GRID2: variants seen among roughly 807,000 people sequenced by gnomAD.
The protein encoded by GRID2 is glutamate receptor ionotropic, delta-2.
A neutral mutation model predicts 114.8 loss-of-function variants in GRID2; 33 were observed. The ratio of observed to expected loss-of-function variants is 0.29; its 90% CI spans 0.22 to 0.38. GRID2 has a LOEUF of 0.38. Among genes scored for constraint, GRID2 ranks in the 10% least tolerant of loss-of-function variants. The pLI, the probability that GRID2 is intolerant of heterozygous loss-of-function variation, is 1.00. For synonymous variants in GRID2, 505 were observed against 449.9 expected (o/e 1.12, Z -1.55); for missense variants, 1,184 against 1,257.7 (o/e 0.94, Z 0.89).
chr4:92,439,541 G>A (rs10210856), intron 1 of GRID2, among the ~76,000 whole-genome samples: 18 of 151,826 alleles, frequency 1.2e-4, no homozygotes, highest in Non-Finnish European at 2.1e-4. Context: ...GATTAGGGGC[G>A]GCGTGGGAAC....
chr4:92,839,374 C>T (rs1742710033), intron 2 of GRID2, among the ~76,000 whole-genome samples: 1 of 149,872 alleles, frequency 6.7e-6, no homozygotes, highest in East Asian at 2.0e-4. Flanking sequence ...CCCATTAACT[C>T]GTCATTTGGC....
chr4:93,685,108 C>T (rs2110102076), intron 14 of GRID2, among the ~76,000 whole-genome samples: 1 of 152,134 alleles, frequency 6.6e-6, no homozygotes, highest in Non-Finnish European at 1.5e-5. Context: ...AATGCCTCTC[C>T]TGGCTTATGA....
chr4:92,987,687 A>G (rs892465341), intron 2 of GRID2, among the ~76,000 whole-genome samples: 8 of 152,158 alleles, frequency 5.3e-5, no homozygotes, highest in African/African-American at 1.9e-4. Context: ...TCTTCTAATG[A>G]GATGATATGG....
intron 2 of GRID2, among the ~76,000 whole-genome samples, chr4:92,915,658 A>C (rs886949085): frequency 2.0e-5 from 3 of 152,114 alleles, no homozygotes; most frequent in African/African-American, 7.2e-5. Flanking sequence ...TTTCCATAAC[A>C]GTGGAACTAA....
intron 2 of GRID2, among the ~76,000 whole-genome samples, chr4:92,783,218 G>A (rs1279074979): frequency 6.6e-6 from 1 of 152,024 alleles, no homozygotes; most frequent in East Asian, 1.9e-4. Flanking sequence ...ATTTGGAATA[G>A]CTATGTTGTG....
chr4:92,484,001 A>T (rs545223796), intron 1 of GRID2, among the ~76,000 whole-genome samples: 5 of 152,310 alleles, frequency 3.3e-5, no homozygotes, highest in African/African-American at 1.2e-4. Flanking sequence ...ATGATAAAGC[A>T]AGGTGCTCTC....
intron 2 of GRID2, among the ~76,000 whole-genome samples, chr4:92,795,204 C>G (rs926197964): frequency 1.3e-5 from 2 of 151,604 alleles, no homozygotes; most frequent in African/African-American, 2.4e-5. Context: ...AATCTCAACT[C>G]GAATTATATC....
chr4:93,789,702 C>A (rs1181784887), intron 1 of GRID2, among the ~76,000 whole-genome samples: 3 of 152,190 alleles, frequency 2.0e-5, no homozygotes, highest in East Asian at 1.9e-4. Context: ...AAAGAAAATT[C>A]AAGATCAGTT....
chr4:93,392,268 C>T (rs1764931703), intron 8 of GRID2, among the ~76,000 whole-genome samples: 1 of 152,100 alleles, frequency 6.6e-6, no homozygotes, highest in Admixed American at 6.6e-5. Context: ...ATCAAAGACA[C>T]AGCAGACAAA....
intron 3 of GRID2, among the ~76,000 whole-genome samples, chr4:93,089,243 A>C (rs1193370890): frequency 6.6e-6 from 1 of 152,138 alleles, no homozygotes; most frequent in Admixed American, 6.6e-5. Context: ...ATAAAAAGTA[A>C]GTGTATAAAT....
At chr4:93,385,203 A>G (rs191429901) in intron 8 of GRID2, among the ~76,000 whole-genome samples, 185 of 152,312 alleles carry the variant, frequency 1.2e-3, no homozygotes, top group African/African-American at 4.3e-3. Context: ...TGACCTAGAC[A>G]AGTGTCATGT....
chr4:93,027,733 T>A (rs1324765564), intron 2 of GRID2, among the ~76,000 whole-genome samples: 2 of 152,096 alleles, frequency 1.3e-5, no homozygotes, highest in Admixed American at 6.6e-5. Flanking sequence ...TAAACATACA[T>A]GTTAGCTCAT....
intron 2 of GRID2, among the ~76,000 whole-genome samples, chr4:92,808,141 T>A (rs1216195097): frequency 1.3e-5 from 2 of 151,840 alleles, no homozygotes; most frequent in Non-Finnish European, 2.9e-5. Flanking sequence ...AAGAAAAGGG[T>A]GTAAGCTGAG....
intron 1 of GRID2, among the ~76,000 whole-genome samples, chr4:92,329,538 A>G (rs1035393408): frequency 6.6e-6 from 1 of 152,078 alleles, no homozygotes; most frequent in African/African-American, 2.4e-5. Context: ...CATTGCATTT[A>G]AATCTCATCC....
intron 14 of GRID2, among the ~76,000 whole-genome samples, chr4:93,744,166 C>T (rs1000285761): frequency 2.0e-5 from 3 of 152,130 alleles, no homozygotes; most frequent in African/African-American, 4.8e-5. Flanking sequence ...TGGTCACCCA[C>T]GAACTCTAAT....
chr4:92,658,616 T>C (rs888681396), intron 2 of GRID2, among the ~76,000 whole-genome samples: 1 of 151,550 alleles, frequency 6.6e-6, no homozygotes, highest in Non-Finnish European at 1.5e-5. Flanking sequence ...CTGTACATTA[T>C]ACAAGCCCAC....
intron 2 of GRID2, among the ~76,000 whole-genome samples, chr4:93,017,894 T>C (rs1035698770): frequency 9.4e-5 from 14 of 149,392 alleles, no homozygotes; most frequent in African/African-American, 3.4e-4. Context: ...TTTTTTTTTT[T>C]TTTTTTTACT....
At chr4:93,779,469 A>G (rs565539796), downstream of GRID2, among the ~76,000 whole-genome samples, 1 of 152,250 alleles carries the variant, frequency 6.6e-6, no homozygotes, top group Admixed American at 6.5e-5. Flanking sequence ...GGGGATGACT[A>G]GGCTGAAATT....
chr4:92,841,443 G>A (rs1742887303), intron 2 of GRID2, among the ~76,000 whole-genome samples: 1 of 152,174 alleles, frequency 6.6e-6, no homozygotes, highest in South Asian at 2.1e-4. Context: ...GTCTTTCAAT[G>A]TGCTTCTAAT....
Sources: gnomAD v4.1 joint callset for allele counts (sites outside exome capture counted in the v4.1 genomes callset) on GRCh38, gnomAD v4.1.1 for gene constraint, MANE v1.5 for transcripts, NCBI Gene and HGNC (gene_info 2026-07-23, HGNC 2026-07-21) for gene names.